Variants in KLHL29 observed in about 807,000 individuals in gnomAD.
The protein encoded by KLHL29 is kelch like family member 29.
A neutral mutation model predicts 80.4 loss-of-function variants in KLHL29; 21 were observed. The observed-to-expected ratio is 0.26, with a 90% CI of 0.19 to 0.38. KLHL29 has a LOEUF of 0.38. KLHL29 is among the 10% of genes least tolerant of loss of function. The pLI is 1.00. For missense variants in KLHL29, 867 were observed against 1,223.9 expected, an observed-to-expected ratio of 0.71 and a Z score of 4.35; for synonymous variants, 511 against 526.8, an observed-to-expected ratio of 0.97 and a Z score of 0.41.
At chr2:23,570,834 C>T (rs1353729523) in intron 3 of KLHL29, among the ~76,000 whole-genome samples, 3 of 152,188 alleles carry the variant, frequency 2.0e-5, no homozygotes, top group African/African-American at 7.2e-5. Flanking sequence ...CCGAGAGTCA[C>T]CTGGGGCAGA....
intron 1 of KLHL29, among the ~76,000 whole-genome samples, chr2:23,438,652 G>A (rs1284006648): frequency 6.7e-6 from 1 of 149,068 alleles, no homozygotes; most frequent in Non-Finnish European, 1.5e-5. Flanking sequence ...TGCATCCCAG[G>A]GATGAAGCCC....
At chr2:23,420,777 C>T (rs748210842) in intron 1 of KLHL29, among the ~76,000 whole-genome samples, 1 of 152,162 alleles carries the variant, frequency 6.6e-6, no homozygotes, top group Non-Finnish European at 1.5e-5. Flanking sequence ...AGAAATGGCA[C>T]TGCTGAGGCC....
chr2:23,569,903 C>A (rs112975512), intron 3 of KLHL29, among the ~76,000 whole-genome samples: 1 of 152,146 alleles, frequency 6.6e-6, no homozygotes. Context: ...CCTAAGCCTT[C>A]GAAAAGCACA....
Position 23,691,890 on chromosome 2 carries a change from C to T in KLHL29, c.1282+14C>T. ...TGTCCTTTCTCGGTGAGCCCGGGGG[C>T]CACATATGTCGCTTGGGGGGAAGAG... On this transcript the variant is annotated intron_variant, in intron 7 of 13. Coordinates refer to ENST00000486442, the MANE Select transcript of KLHL29 (RefSeq NM_052920.2). 1 of 1,546,276 alleles carries T rather than the reference C, an allele frequency of 6.5e-7. No individual in the cohort carries two copies. The highest frequency in any genetic ancestry group is 1.4e-5 in the African/African-American group (1 of 73,166).
At chr2:23,666,277 G>A (rs768349039) in intron 5 of KLHL29, among the ~76,000 whole-genome samples, 6 of 152,176 alleles carry the variant, frequency 3.9e-5, no homozygotes, top group Non-Finnish European at 2.9e-5. Context: ...TTCCAAGGCC[G>A]CCTAAGACAA....
At chr2:23,618,556 A>G (rs1178584208) in intron 3 of KLHL29, among the ~76,000 whole-genome samples, 1 of 152,166 alleles carries the variant, frequency 6.6e-6, no homozygotes, top group Non-Finnish European at 1.5e-5. Context: ...GAACTGAAAC[A>G]TCCGCTCTTC....
At chr2:23,568,303 A>C (rs1667638926) in intron 3 of KLHL29, among the ~76,000 whole-genome samples, 1 of 152,160 alleles carries the variant, frequency 6.6e-6, no homozygotes, top group Non-Finnish European at 1.5e-5. Context: ...TAATACCCCC[A>C]AAACCTGGGG....
At chr2:23,391,708 G>A (rs1205375081) in intron 1 of KLHL29, among the ~76,000 whole-genome samples, 2 of 152,038 alleles carry the variant, frequency 1.3e-5, no homozygotes, top group East Asian at 3.9e-4. Context: ...GTTCACTCTG[G>A]GATTATAGGC....
At chr2:23,595,279 A>G (rs1335079078) in intron 3 of KLHL29, among the ~76,000 whole-genome samples, 2 of 152,118 alleles carry the variant, frequency 1.3e-5, no homozygotes, top group Non-Finnish European at 2.9e-5. Context: ...CTTTCCATGT[A>G]TTATAATCCT....
chr2:23,654,695 T>TGGGGGGGGGGGG (rs769363801), intron 5 of KLHL29, among the ~76,000 whole-genome samples: 3 of 34,250 alleles, frequency 8.8e-5, no homozygotes, highest in Non-Finnish European at 7.4e-5. Context: ...GGAACAGAGG[T>TGGGGGGGGGGGG]TGGGGGGGGG....
intron 3 of KLHL29, among the ~76,000 whole-genome samples, chr2:23,568,204 A>G (rs1454621467): frequency 6.6e-6 from 1 of 152,216 alleles, no homozygotes; most frequent in Non-Finnish European, 1.5e-5. Flanking sequence ...GGCAAAAAAA[A>G]AGTCCATACA....
chr2:23,477,110 G>A (rs1052744114), intron 2 of KLHL29, among the ~76,000 whole-genome samples: 7 of 152,258 alleles, frequency 4.6e-5, no homozygotes, highest in African/African-American at 9.6e-5. Flanking sequence ...TACAGGCTGC[G>A]TCTGCATAAC....
intron 3 of KLHL29, among the ~76,000 whole-genome samples, chr2:23,622,855 T>A (rs1311363513): frequency 3.3e-5 from 5 of 152,206 alleles, no homozygotes; most frequent in Non-Finnish European, 7.4e-5. Flanking sequence ...GGTACTTGAA[T>A]TATCTCTGTT....
chr2:23,639,059 C>T, intron 3 of KLHL29, 80 bp from the exon 4 acceptor site: 1 of 1,355,792 alleles, frequency 7.4e-7, no homozygotes, highest in Non-Finnish European at 9.7e-7. Context: ...GTTTTGGAGG[C>T]TAGGTCCCTC....
At chr2:23,645,753 G>A (rs994589290) in intron 5 of KLHL29, among the ~76,000 whole-genome samples, 19 of 152,148 alleles carry the variant, frequency 1.2e-4, no homozygotes, top group African/African-American at 4.3e-4. Flanking sequence ...TCTTCTGATC[G>A]ACTGAGCTCA....
At chr2:23,435,529 G>C (rs1346385578) in intron 1 of KLHL29, among the ~76,000 whole-genome samples, 1 of 152,200 alleles carries the variant, frequency 6.6e-6, no homozygotes, top group Non-Finnish European at 1.5e-5. Flanking sequence ...AATGGTTTGG[G>C]TGACATGATG....
rs944081356 is a variant in KLHL29, at chr2:23,682,746, T to G, written c.941-1653T>G. On this transcript the variant is annotated intron_variant, in intron 5 of 13. Transcript: ENST00000486442. The surrounding 1 kb of genome is among the most constrained non-coding windows in gnomAD (Gnocchi z 4.1). The stretch of plus-strand genomic sequence containing the variant: ...GAGCCTGTTGGTCTCTGTCTGTAGC[T>G]CCCACCCCCCTTGCTCCGGGTCTGA... Among the ~76,000 whole-genome samples the G allele has an allele frequency of 2.6e-5, 4 of 151,616 alleles. No homozygotes were observed. The highest frequency in any genetic ancestry group is 4.4e-5 in the Non-Finnish European group (3 of 67,932).
At chr2:23,406,178 A>G (rs758895850) in intron 1 of KLHL29, among the ~76,000 whole-genome samples, 5 of 152,064 alleles carry the variant, frequency 3.3e-5, no homozygotes, top group Non-Finnish European at 7.4e-5. Flanking sequence ...AAATACAAAA[A>G]TTAATCGGGC....
intron 1 of KLHL29, among the ~76,000 whole-genome samples, chr2:23,396,775 C>T (rs1317303820): frequency 6.6e-6 from 1 of 152,184 alleles, no homozygotes. Flanking sequence ...TAAGCTTCCC[C>T]ATCTACCCAT....
Sources: gnomAD v4.1 joint callset for allele counts (sites outside exome capture counted in the v4.1 genomes callset) on GRCh38, gnomAD v4.1.1 for gene constraint, Gnocchi (gnomAD v3.1) non-coding constraint, MANE v1.5 for transcripts, NCBI Gene and HGNC (gene_info 2026-07-23, HGNC 2026-07-21) for gene names.